TMEM132D: variants seen among roughly 807,000 people sequenced by gnomAD.
The protein encoded by TMEM132D is mature OL transmembrane protein.
TMEM132D carries 21 observed loss-of-function variants against 62.3 expected under a neutral mutation model. The observed-to-expected ratio is 0.34, with a 90% CI of 0.24 to 0.49. The LOEUF is 0.49. TMEM132D is among the 20% of genes least tolerant of loss of function. TMEM132D has a pLI of 0.99. For synonymous variants in TMEM132D, 621 were observed against 575.6 expected, an observed-to-expected ratio of 1.08 and a Z score of -1.13; for missense variants, 1,346 against 1,402.8, an observed-to-expected ratio of 0.96 and a Z score of 0.65.
intron 8 of TMEM132D, among the ~76,000 whole-genome samples, chr12:129,076,834 C>A (rs1039088586): frequency 2.0e-5 from 3 of 152,354 alleles, no homozygotes; most frequent in Admixed American, 2.0e-4. Context: ...TGGCCTTCTT[C>A]TAGCTGCATC....
chr12:129,239,620 T>C (rs1356790778), intron 4 of TMEM132D, among the ~76,000 whole-genome samples: 2 of 152,112 alleles, frequency 1.3e-5, no homozygotes, highest in African/African-American at 4.8e-5. Flanking sequence ...GATTTGGGAA[T>C]AGACACGGAA....
chr12:129,102,346 A>C (rs1875337986), intron 5 of TMEM132D, among the ~76,000 whole-genome samples: 1 of 152,114 alleles, frequency 6.6e-6, no homozygotes, highest in Admixed American at 6.6e-5. Flanking sequence ...ACACACATGC[A>C]TTCACATATG....
At position 129,479,223 on chromosome 12, in the gene TMEM132D, C is replaced by T. The variant is rs545638845; in HGVS notation, c.1115+51836G>A. On this transcript the variant is annotated intron_variant, in intron 3 of 8. Coordinates refer to ENST00000422113, the MANE Select transcript of TMEM132D (RefSeq NM_133448.3). ...TTGATTTCATCTGTTGAAAGGCATG[C>T]TGAAGACCACTTTCTTTTCATTAAG... 2.6e-5 allele frequency among the ~76,000 whole-genome samples: 4 copies of T among 152,252 alleles called. No homozygotes were observed. In the East Asian group the frequency reaches 7.7e-4, roughly 29 times the overall value.
chr12:129,677,804 C>T (rs1291126337), intron 2 of TMEM132D, among the ~76,000 whole-genome samples: 1 of 150,724 alleles, frequency 6.6e-6, no homozygotes, highest in African/African-American at 2.4e-5. Flanking sequence ...TACTGGCTTC[C>T]TGTCCTAAAT....
chr12:129,236,399 C>T (rs1374052062), intron 4 of TMEM132D, among the ~76,000 whole-genome samples: 1 of 150,820 alleles, frequency 6.6e-6, no homozygotes, highest in Non-Finnish European at 1.5e-5. Context: ...CCTGTGATCC[C>T]AGCTACTCGG....
chr12:129,188,294 G>C (rs1217836525), intron 5 of TMEM132D, among the ~76,000 whole-genome samples: 1 of 152,260 alleles, frequency 6.6e-6, no homozygotes, highest in East Asian at 1.9e-4. Context: ...CAGCTCAGGG[G>C]GCCCAGTCAC....
chr12:129,745,788 G>A (rs1463891680), intron 1 of TMEM132D, among the ~76,000 whole-genome samples: 1 of 152,136 alleles, frequency 6.6e-6, no homozygotes, highest in Non-Finnish European at 1.5e-5. Flanking sequence ...AAAACAAAAA[G>A]CAAATAAATA....
intron 4 of TMEM132D, among the ~76,000 whole-genome samples, chr12:129,302,217 C>A (rs148189281): frequency 1.3e-5 from 2 of 152,206 alleles, no homozygotes; most frequent in Admixed American, 1.3e-4. Context: ...CAGGTTCAAG[C>A]GATTCTCCTG....
Position 129,699,799 on chromosome 12 carries a change from A to G in TMEM132D, c.968+11T>C. On this transcript the variant is annotated intron_variant, in intron 2 of 8. Coordinates refer to ENST00000422113, the MANE Select transcript of TMEM132D (RefSeq NM_133448.3). ...CGGGCGGGTACAGACAGACATTGGG[A>G]AACGACTTACCTCAACGTGAAGCGA... 1 of 1,612,506 alleles carries G rather than the reference A, an allele frequency of 6.2e-7. No homozygotes were observed. The highest frequency in any genetic ancestry group is 1.1e-5 in the South Asian group (1 of 91,022).
chr12:129,468,565 A>AT (rs5801856), intron 3 of TMEM132D, among the ~76,000 whole-genome samples: 1 of 151,924 alleles, frequency 6.6e-6, no homozygotes, highest in African/African-American at 2.4e-5. Context: ...AGTCAATAAG[A>AT]TTTTTTTTTT....
intron 1 of TMEM132D, among the ~76,000 whole-genome samples, chr12:129,900,474 T>C (rs116462448): frequency 6.6e-6 from 1 of 152,308 alleles, no homozygotes; most frequent in African/African-American, 2.4e-5. Context: ...AGCACGACAC[T>C]GCCGCAGCCC....
At chr12:129,481,421 C>T (rs568107424) in intron 3 of TMEM132D, among the ~76,000 whole-genome samples, 18 of 150,716 alleles carry the variant, frequency 1.2e-4, no homozygotes, top group African/African-American at 4.4e-4. Flanking sequence ...TATGATACCA[C>T]CACTGCACTC....
At chr12:129,373,157 C>A (rs1263682561) in intron 3 of TMEM132D, among the ~76,000 whole-genome samples, 1 of 152,122 alleles carries the variant, frequency 6.6e-6, no homozygotes, top group Admixed American at 6.6e-5. Flanking sequence ...TTGAAACAGA[C>A]CTTTGGAATA....
intron 4 of TMEM132D, among the ~76,000 whole-genome samples, chr12:129,210,553 T>G (rs987744066): frequency 1.3e-5 from 2 of 152,212 alleles, no homozygotes; most frequent in African/African-American, 4.8e-5. Context: ...TTGCCCCAAG[T>G]ATTTGCTTTC....
At chr12:129,349,853 G>A (rs987891681) in intron 3 of TMEM132D, among the ~76,000 whole-genome samples, 2 of 152,150 alleles carry the variant, frequency 1.3e-5, no homozygotes, top group Non-Finnish European at 2.9e-5. Context: ...AAGGGCTTAC[G>A]GAGCAATAAT....
At chr12:129,423,372 C>T (rs370353414) in intron 3 of TMEM132D, among the ~76,000 whole-genome samples, 2 of 152,146 alleles carry the variant, frequency 1.3e-5, no homozygotes, top group East Asian at 3.9e-4. Flanking sequence ...GATAACTGTG[C>T]CTGCACTGCC....
intron 3 of TMEM132D, among the ~76,000 whole-genome samples, chr12:129,444,997 T>C (rs1873055134): frequency 6.6e-6 from 1 of 152,168 alleles, no homozygotes; most frequent in Non-Finnish European, 1.5e-5. Context: ...CACAGATAAA[T>C]GTAAATTGTT....
chr12:129,246,388 CA>C (rs1319259330), intron 4 of TMEM132D, among the ~76,000 whole-genome samples: 1 of 152,092 alleles, frequency 6.6e-6, no homozygotes, highest in Non-Finnish European at 1.5e-5. Flanking sequence ...CATAAGAGGC[CA>C]AAGCTGGTGG....
chr12:129,576,697 A>G (rs1194788711), intron 2 of TMEM132D, among the ~76,000 whole-genome samples: 1 of 151,786 alleles, frequency 6.6e-6, no homozygotes, highest in Non-Finnish European at 1.5e-5. Flanking sequence ...AAATCTGTGA[A>G]TAACTTCTGA....
Sources: allele counts gnomAD v4.1 joint callset (sites outside exome capture counted in the v4.1 genomes callset), GRCh38; gene constraint gnomAD v4.1.1; transcripts MANE v1.5; gene names NCBI Gene and HGNC (gene_info 2026-07-23, HGNC 2026-07-21).